CAST: variants seen among roughly 807,000 people sequenced by gnomAD.
The protein encoded by CAST is MIR583 host.
In CAST, 76 loss-of-function variants were observed where a neutral mutation model predicts 119.6. That is an observed-to-expected ratio of 0.64 (90% CI 0.53 to 0.77). The LOEUF (loss-of-function observed/expected upper bound fraction) is 0.77. Ranked by LOEUF, CAST falls within the 30% of genes least tolerant of loss-of-function variation. The pLI, the probability that CAST is intolerant of heterozygous loss-of-function variation, is 0.00. For missense variants in CAST, 953 were observed against 946.5 expected (o/e 1.01, Z -0.09); for synonymous variants, 319 against 331.6 (o/e 0.96, Z 0.41).
chr5:96,335,826 G>A, the CAST span, among the ~76,000 whole-genome samples: 1 of 152,132 alleles, frequency 6.6e-6, no homozygotes, highest in African/African-American at 2.4e-5. Context: ...TAAAATGTCT[G>A]CCTTGACTTT....
At chr5:96,012,812 G>C in the CAST span, among the ~76,000 whole-genome samples, 2 of 152,138 alleles carry the variant, frequency 1.3e-5, no homozygotes, top group African/African-American at 4.8e-5. Flanking sequence ...AATGGCATAG[G>C]GTTAGCAGTT....
At chr5:96,443,798 C>T in the CAST span, among the ~76,000 whole-genome samples, 3 of 152,284 alleles carry the variant, frequency 2.0e-5, no homozygotes, top group Admixed American at 6.5e-5. Flanking sequence ...CTGCAAGTCA[C>T]GGACAGAGAT....
At chr5:95,997,972 T>G in the CAST span, among the ~76,000 whole-genome samples, 2 of 147,538 alleles carry the variant, frequency 1.4e-5, no homozygotes, top group Admixed American at 6.7e-5. Context: ...GGTTTTTTTT[T>G]TTTTTTTTTT....
At chr5:96,169,653 G>A in the CAST span, among the ~76,000 whole-genome samples, 3,770 of 152,136 alleles carry the variant, frequency 0.025, 161 homozygotes, top group African/African-American at 0.085. Flanking sequence ...GTGGGGTAAG[G>A]GTGATTAGGT....
At chr5:96,194,916 A>C in the CAST span, among the ~76,000 whole-genome samples, 1 of 152,216 alleles carries the variant, frequency 6.6e-6, no homozygotes, top group Admixed American at 6.5e-5. Flanking sequence ...AAGCCTTGGA[A>C]AGAGTGCATG....
the CAST span, among the ~76,000 whole-genome samples, chr5:96,434,634 G>T: frequency 0.85 from 126,191 of 149,106 alleles, 53,313 homozygotes; most frequent in African/African-American, 0.88. Context: ...TGTTGTTGTT[G>T]TTTTTTAAAG....
chr5:96,648,717 C>CGTGTGTGTGTCTGTGTGTGTGT (rs138871439), intron 1 of CAST, among the ~76,000 whole-genome samples: 5 of 148,810 alleles, frequency 3.4e-5, no homozygotes, highest in Non-Finnish European at 7.4e-5. Flanking sequence ...TATATATATG[C>CGTGTGTGTGTCTGTGTGTGTGT]GTGTGTGTGT....
At chr5:96,008,684 G>C in the CAST span, among the ~76,000 whole-genome samples, 2 of 152,160 alleles carry the variant, frequency 1.3e-5, no homozygotes. Context: ...AAATAAACAA[G>C]TGACTCAATT....
chr5:96,765,969 A>C, intron 26 of CAST, 84 bp from the exon 27 acceptor site: 1 of 802,010 alleles, frequency 1.2e-6, no homozygotes, highest in South Asian at 1.6e-5. Flanking sequence ...AAGTACAACA[A>C]ATGCTGAATG....
At chr5:96,387,331 C>A in the CAST span, among the ~76,000 whole-genome samples, 2 of 152,162 alleles carry the variant, frequency 1.3e-5, no homozygotes, top group Non-Finnish European at 2.9e-5. Context: ...ACAGCAGGTT[C>A]ACGGCCATTC....
the CAST span, among the ~76,000 whole-genome samples, chr5:96,463,060 G>A: frequency 6.6e-6 from 1 of 152,084 alleles, no homozygotes. Flanking sequence ...TGATACACGT[G>A]ATAACGTGTA....
chr5:96,122,623 G>A, the CAST span, among the ~76,000 whole-genome samples: 1 of 152,234 alleles, frequency 6.6e-6, no homozygotes, highest in Non-Finnish European at 1.5e-5. Context: ...CCATGTGTTC[G>A]AGGGGGTAGA....
the CAST span, among the ~76,000 whole-genome samples, chr5:96,127,946 C>A: frequency 0.034 from 5,212 of 152,166 alleles, 260 homozygotes; most frequent in African/African-American, 0.11. Flanking sequence ...TTCAGTATCA[C>A]TGAAGCTCTA....
the CAST span, among the ~76,000 whole-genome samples, chr5:95,963,725 CTTT>C: frequency 6.9e-5 from 9 of 129,970 alleles, no homozygotes; most frequent in East Asian, 2.2e-4. Context: ...TTCTCTCTCT[CTTT>C]TTTTTTTTTT....
the CAST span, among the ~76,000 whole-genome samples, chr5:96,348,221 G>A: frequency 2.2e-4 from 34 of 152,132 alleles, no homozygotes; most frequent in East Asian, 5.4e-3. Context: ...AGTAAATAAA[G>A]CCAAGTAAAG....
chr5:96,640,795 C>A (rs967631311), intron 1 of CAST, among the ~76,000 whole-genome samples: 1 of 152,134 alleles, frequency 6.6e-6, no homozygotes. Flanking sequence ...AGAATCATGA[C>A]GTTAGGAGAG....
At chr5:96,159,094 A>C in the CAST span, among the ~76,000 whole-genome samples, 2 of 152,244 alleles carry the variant, frequency 1.3e-5, no homozygotes, top group African/African-American at 4.8e-5. Context: ...TAGGCTTAAA[A>C]AGAAAAATTT....
At chr5:96,746,466 T>C in intron 17 of CAST, 41 bp downstream of exon 17, 1 of 1,097,202 alleles carries the variant, frequency 9.1e-7, no homozygotes, top group South Asian at 1.2e-5. Flanking sequence ...GCATCTTGCC[T>C]TTGCATCTTG....
At chr5:96,328,573 C>G in the CAST span, among the ~76,000 whole-genome samples, 4 of 152,294 alleles carry the variant, frequency 2.6e-5, no homozygotes, top group African/African-American at 9.6e-5. Flanking sequence ...GACAAACCAT[C>G]AGTCTTTCTC....
Sources: allele counts gnomAD v4.1 joint callset (sites outside exome capture counted in the v4.1 genomes callset), GRCh38; gene constraint gnomAD v4.1.1; transcripts MANE v1.5; gene names NCBI Gene and HGNC (gene_info 2026-07-23, HGNC 2026-07-21).